Variants in SYNE1 observed in about 807,000 individuals in gnomAD.
The protein encoded by SYNE1 is spectrin repeat containing nuclear envelope protein 1.
SYNE1 carries 616 observed loss-of-function variants against 1,111.0 expected under a neutral mutation model. The observed-to-expected ratio is 0.55, with a 90% CI of 0.52 to 0.59. The LOEUF (loss-of-function observed/expected upper bound fraction) is 0.59, where lower values mean the gene tolerates loss of function less well. SYNE1 is among the 20% of genes least tolerant of loss of function. The probability of loss-of-function intolerance (pLI) is 0.00; values close to 1 mark genes in which losing one functional copy is unlikely to be tolerated. For synonymous variants in SYNE1, 3,855 were observed against 3,825.8 expected, an observed-to-expected ratio of 1.01 and a Z score of -0.28; for missense variants, 10,006 against 10,417.0, an observed-to-expected ratio of 0.96 and a Z score of 1.72.
At position 152,294,053 on chromosome 6, in the gene SYNE1, G is replaced by A. The variant is rs550385131; in HGVS notation, c.17757C>T (p.Ser5919=). 18 of 1,613,974 alleles carry A rather than the reference G, an allele frequency of 1.1e-5. No individual in the cohort carries two copies. The highest frequency in any genetic ancestry group is 6.7e-5 in the African/African-American group (5 of 75,018). The change falls in exon 94 of 146, where the codon TCC becomes TCT. Residue 5919 remains serine, a synonymous_variant. Coordinates refer to ENST00000367255, the MANE Select transcript of SYNE1 (RefSeq NM_182961.4). ...CCGGTTCATAGAACTCCTGGGATGC[G>A]GATGTGCTGGGGTGAATTTTTGCAG... ...TDAAKIHPST[S]ASQEFYEPGL...
intron 64 of SYNE1, among the ~76,000 whole-genome samples, chr6:152,360,784 A>G (rs1056967141): frequency 6.6e-6 from 1 of 152,212 alleles, no homozygotes; most frequent in African/African-American, 2.4e-5. Flanking sequence ...AATTATAATT[A>G]TATTATTTTA....
intron 78 of SYNE1, among the ~76,000 whole-genome samples, chr6:152,328,459 G>A (rs1032220544): frequency 4.0e-5 from 6 of 151,574 alleles, no homozygotes; most frequent in Non-Finnish European, 5.9e-5. Flanking sequence ...AGGCTGGAGT[G>A]CAATGTCATG....
intron 100 of SYNE1, 61 bp downstream of exon 100, chr6:152,267,995 A>G: frequency 7.0e-7 from 1 of 1,437,252 alleles, no homozygotes; most frequent in Admixed American, 1.7e-5. Flanking sequence ...TGAGATGTTT[A>G]CTTTTCTTCA....
At chr6:152,480,048 A>G (rs910549006) in intron 14 of SYNE1, among the ~76,000 whole-genome samples, 5 of 152,212 alleles carry the variant, frequency 3.3e-5, no homozygotes, top group African/African-American at 1.2e-4. Flanking sequence ...TTTTTAGACC[A>G]AGATGGGAAG....
intron 3 of SYNE1, among the ~76,000 whole-genome samples, chr6:152,582,241 T>A (rs188199371): frequency 6.6e-6 from 1 of 152,308 alleles, no homozygotes; most frequent in Admixed American, 6.5e-5. Flanking sequence ...TTCTCCTTAG[T>A]ACCTAGTTCA....
chr6:152,499,524 A>T (rs193005706), intron 10 of SYNE1, among the ~76,000 whole-genome samples: 1,742 of 152,232 alleles, frequency 0.011, 41 homozygotes, highest in African/African-American at 0.039. Context: ...AAGAATTTTT[A>T]AAAAAATGAA....
Position 152,448,252 on chromosome 6 carries a change from A to G in SYNE1, c.3505-630T>C, listed in dbSNP as rs969720841. ...TGCTAGAAAGACTCCAGGGCTTCAG[A>G]CCTTGAAGGGCTGCTGACTGAGGGA... On this transcript the variant is annotated intron_variant, in intron 28 of 145. Coordinates refer to ENST00000367255, the MANE Select transcript of SYNE1 (RefSeq NM_182961.4). Among the ~76,000 whole-genome samples, 5 of 152,296 alleles carry G rather than the reference A, an allele frequency of 3.3e-5. No homozygotes were observed. The East Asian group carries it at 9.7e-4, about 29-fold the overall frequency.
chr6:152,412,058 C>T (rs570945888), intron 42 of SYNE1, among the ~76,000 whole-genome samples: 53 of 151,956 alleles, frequency 3.5e-4, no homozygotes, highest in African/African-American at 1.2e-3. Context: ...TGGAAAGAAC[C>T]CAATTGTCCA....
At position 152,308,474 on chromosome 6, in the gene SYNE1, C is replaced by T. The variant is rs748341052; in HGVS notation, c.17346+15G>A. 1 of 1,614,050 alleles carries T rather than the reference C, an allele frequency of 6.2e-7. No individual in the cohort carries two copies. Among genetic ancestry groups the T allele is most frequent in the Admixed American group, 1.7e-5 (1 of 60,018 alleles). ...CAGTTTCCTGCCCTCGGTATTTCGC[C>T]TACATTCCTCTCACCTCATGCCGAG... On this transcript the variant is annotated intron_variant, in intron 91 of 145. Coordinates refer to ENST00000367255, the MANE Select transcript of SYNE1 (RefSeq NM_182961.4).
chr6:152,336,583 G>A (rs1014628955), intron 76 of SYNE1: 2 of 525,154 alleles, frequency 3.8e-6, no homozygotes, highest in African/African-American at 3.8e-5. Flanking sequence ...AGAATCTGAT[G>A]TGGCCTCTGA....
intron 32 of SYNE1, 72 bp downstream of exon 32, chr6:152,441,058 T>C (rs1187533037): frequency 3.9e-6 from 6 of 1,554,850 alleles, no homozygotes; most frequent in Non-Finnish European, 5.3e-6. Context: ...ATAGTAATAA[T>C]GGAGGAGAAA....
chr6:152,518,799 C>T (rs1476350579), intron 6 of SYNE1, among the ~76,000 whole-genome samples: 1 of 151,870 alleles, frequency 6.6e-6, no homozygotes, highest in Non-Finnish European at 1.5e-5. Context: ...TAATGTTTTA[C>T]CCACACGTGC....
At chr6:152,310,119 TG>T in intron 89 of SYNE1, 102 bp from the exon 90 acceptor site, 2 of 1,300,214 alleles carry the variant, frequency 1.5e-6, no homozygotes, top group African/African-American at 2.7e-5. Flanking sequence ...ATAAACATTT[TG>T]CAAAAAAAAA....
chr6:152,424,943 T>C (rs1293590089), intron 39 of SYNE1, among the ~76,000 whole-genome samples: 1 of 152,232 alleles, frequency 6.6e-6, no homozygotes, highest in East Asian at 1.9e-4. Context: ...TAATCCATTT[T>C]TGCCTCCATT....
intron 14 of SYNE1, among the ~76,000 whole-genome samples, chr6:152,480,567 A>G (rs746493984): frequency 6.6e-6 from 1 of 152,212 alleles, no homozygotes; most frequent in Non-Finnish European, 1.5e-5. Context: ...AGCTTAGCTT[A>G]TTATAGGCTC....
Position 152,519,146 on chromosome 6 carries a change from A to T in SYNE1, c.309+1313T>A, listed in dbSNP as rs182259718. The stretch of plus-strand genomic sequence containing the variant: ...AAAACTTAAAGTATAATAATAATTT[A>T]AAAAAAGAAAATAAATAAATAAACA... On this transcript the variant is annotated intron_variant, in intron 6 of 145. Transcript: ENST00000367255. 5.3e-3 allele frequency among the ~76,000 whole-genome samples: 805 copies of T among 152,254 alleles called. 10 individuals carry two copies. The highest frequency in any genetic ancestry group is 0.016 in the African/African-American group (677 of 41,552).
intron 66 of SYNE1, among the ~76,000 whole-genome samples, chr6:152,355,634 T>C (rs2096823550): frequency 6.6e-6 from 1 of 152,184 alleles, no homozygotes; most frequent in Admixed American, 6.5e-5. Flanking sequence ...ATATGCTATT[T>C]TTTATAGGAC....
At chr6:152,125,067 C>G (rs762532711) in intron 145 of SYNE1, among the ~76,000 whole-genome samples, 1 of 152,134 alleles carries the variant, frequency 6.6e-6, no homozygotes, top group Non-Finnish European at 1.5e-5. Flanking sequence ...AGATTTCAAC[C>G]CTGTGATTTT....
intron 3 of SYNE1, among the ~76,000 whole-genome samples, chr6:152,568,289 C>CTTTT (rs10601350): frequency 8.0e-4 from 64 of 80,286 alleles, no homozygotes; most frequent in Non-Finnish European, 9.3e-4. Flanking sequence ...TTATTTTATT[C>CTTTT]TTTTTTTTTT....
Sources: gnomAD v4.1 joint callset for allele counts (sites outside exome capture counted in the v4.1 genomes callset) on GRCh38, gnomAD v4.1.1 for gene constraint, MANE v1.5 for transcripts, NCBI Gene and HGNC (gene_info 2026-07-23, HGNC 2026-07-21) for gene names.